Variants in CFAP54 observed in about 807,000 individuals in gnomAD.
CFAP54 encodes cilia and flagella associated protein 54.
In CFAP54, 290 loss-of-function variants were observed where a neutral mutation model predicts 370.4. That is an observed-to-expected ratio of 0.78 (90% CI 0.71 to 0.86). The LOEUF (loss-of-function observed/expected upper bound fraction) is 0.86, where lower values mean the gene tolerates loss of function less well. CFAP54 is among the 40% of genes least tolerant of loss of function. The probability of loss-of-function intolerance (pLI) is 0.00; values close to 1 mark genes in which losing one functional copy is unlikely to be tolerated. For missense variants in CFAP54, 3,399 were observed against 3,528.7 expected, an observed-to-expected ratio of 0.96 and a Z score of 0.93; for synonymous variants, 1,206 against 1,236.5, an observed-to-expected ratio of 0.98 and a Z score of 0.52.
At chr12:96,820,755 A>G (rs1210481927) in intron 65 of CFAP54, among the ~76,000 whole-genome samples, 3 of 152,198 alleles carry the variant, frequency 2.0e-5, no homozygotes, top group Non-Finnish European at 4.4e-5. Flanking sequence ...TTTATTTTAT[A>G]AAGTGCATGA....
At chr12:96,659,808 C>T (rs1422764917) in intron 38 of CFAP54, among the ~76,000 whole-genome samples, 1 of 152,224 alleles carries the variant, frequency 6.6e-6, no homozygotes, top group African/African-American at 2.4e-5. Flanking sequence ...CCAGCCCCTC[C>T]TTGCCACACC....
At chr12:96,679,489 T>G in intron 39 of CFAP54, 111 bp from the exon 40 acceptor site, 1 of 1,152,284 alleles carries the variant, frequency 8.7e-7, no homozygotes, top group Non-Finnish European at 1.2e-6. Flanking sequence ...GCTTTGAATT[T>G]AGCGGCTTTA....
chr12:96,798,815 C>T (rs2136709732), intron 63 of CFAP54, among the ~76,000 whole-genome samples: 1 of 152,180 alleles, frequency 6.6e-6, no homozygotes, highest in Admixed American at 6.5e-5. Context: ...ATGAAGTATA[C>T]TTGGTAATCA....
intron 39 of CFAP54, among the ~76,000 whole-genome samples, chr12:96,674,342 T>TTC (rs1957179887): frequency 7.2e-6 from 1 of 139,758 alleles, no homozygotes; most frequent in Non-Finnish European, 1.5e-5. Context: ...TTTTCTTTTT[T>TTC]TTTTTTTTTT....
intron 65 of CFAP54, among the ~76,000 whole-genome samples, chr12:96,819,775 A>AT (rs1166112134): frequency 6.6e-6 from 1 of 152,096 alleles, no homozygotes. Context: ...TCATCCATAG[A>AT]TTTTTTACTG....
intron 63 of CFAP54, among the ~76,000 whole-genome samples, chr12:96,809,535 T>C (rs971610109): frequency 6.6e-6 from 1 of 152,194 alleles, no homozygotes; most frequent in African/African-American, 2.4e-5. Flanking sequence ...TACAATGTTG[T>C]CTTTCTTCTA....
chr12:96,731,999 A>G (rs1339672143), intron 50 of CFAP54, among the ~76,000 whole-genome samples: 1 of 152,178 alleles, frequency 6.6e-6, no homozygotes, highest in Non-Finnish European at 1.5e-5. Context: ...CCCATTTCCA[A>G]TGACTGTGTG....
At chr12:96,812,633 A>T (rs768461274) in intron 64 of CFAP54, among the ~76,000 whole-genome samples, 1 of 152,206 alleles carries the variant, frequency 6.6e-6, no homozygotes, top group Admixed American at 6.5e-5. Context: ...AAGCTTAACC[A>T]CTAACGCCTG....
At chr12:96,655,037 A>AC (rs1270145844) in intron 36 of CFAP54, among the ~76,000 whole-genome samples, 1 of 151,836 alleles carries the variant, frequency 6.6e-6, no homozygotes, top group East Asian at 1.9e-4. Flanking sequence ...TGGCCAAAAA[A>AC]ATTTTTTTTT....
At chr12:96,536,036 G>T (rs1955498836) in intron 12 of CFAP54, among the ~76,000 whole-genome samples, 1 of 152,054 alleles carries the variant, frequency 6.6e-6, no homozygotes, top group African/African-American at 2.4e-5. Context: ...CAAATTTCAG[G>T]GATCCTCAGA....
At chr12:96,792,167 G>T (rs180833404) in intron 62 of CFAP54, among the ~76,000 whole-genome samples, 162 bp from the exon 63 acceptor site, 7 of 152,038 alleles carry the variant, frequency 4.6e-5, no homozygotes, top group African/African-American at 1.7e-4. Context: ...TTTTACTGTA[G>T]GAGAATCTTC....
chr12:96,682,049 C>G (rs539942845), intron 40 of CFAP54: 1 of 588,392 alleles, frequency 1.7e-6, no homozygotes, highest in Non-Finnish European at 2.1e-6. Context: ...TATTTCCTTT[C>G]TTTTTGCTTT....
chr12:96,577,139 G>A (rs1440837092), intron 20 of CFAP54, among the ~76,000 whole-genome samples: 1 of 152,192 alleles, frequency 6.6e-6, no homozygotes, highest in Non-Finnish European at 1.5e-5. Context: ...TTACTTCAGA[G>A]CCAGTGATGG....
At chr12:96,760,635 C>G (rs1362662848) in intron 58 of CFAP54, among the ~76,000 whole-genome samples, 1 of 152,176 alleles carries the variant, frequency 6.6e-6, no homozygotes, top group Non-Finnish European at 1.5e-5. Context: ...TGGGTTCAAG[C>G]AATTCTCCTG....
At chr12:96,675,690 A>G (rs548327105) in intron 39 of CFAP54, among the ~76,000 whole-genome samples, 7 of 152,344 alleles carry the variant, frequency 4.6e-5, no homozygotes, top group African/African-American at 1.4e-4. Context: ...AACCAAGCCA[A>G]ATATCCAACA....
rs1957574052 is a variant in CFAP54 at position 96,708,760 on chromosome 12, A to G, written c.6681A>G (p.Thr2227=). The G allele has an allele frequency of 3.1e-6, 5 of 1,609,682 alleles. No homozygotes were observed. The highest frequency in any genetic ancestry group is 4.2e-6 in the Non-Finnish European group (5 of 1,178,296). The change falls in exon 48 of 68, where the codon ACA becomes ACG. Residue 2227 remains threonine, a synonymous_variant. Transcript: ENST00000524981. ...GTGTCCCAGAAAATAAATTTAAGAC[A>G]GTAATTACCAACAAGAGCAAACCAA... The part of the protein sequence containing the change: ...INCVPENKFK[T]VITNKSKPNL...
intron 64 of CFAP54, 73 bp from the exon 65 acceptor site, chr12:96,817,702 G>A (rs1328675580): frequency 6.9e-6 from 7 of 1,021,270 alleles, no homozygotes; most frequent in African/African-American, 1.7e-5. Context: ...TTACAGGCGT[G>A]AGCCACCACG....
chr12:96,864,984 A>G (rs148310472), intron 67 of CFAP54, among the ~76,000 whole-genome samples: 2 of 152,320 alleles, frequency 1.3e-5, no homozygotes, highest in Admixed American at 6.5e-5. Context: ...CTATGTGTGC[A>G]TAGGCTTGAA....
chr12:96,869,857 C>G (rs1254532518), intron 67 of CFAP54, among the ~76,000 whole-genome samples: 3 of 148,624 alleles, frequency 2.0e-5, no homozygotes. Context: ...ATCGCTTGAA[C>G]CTGGGAGGCA....
Sources: allele counts gnomAD v4.1 joint callset (sites outside exome capture counted in the v4.1 genomes callset), GRCh38; gene constraint gnomAD v4.1.1; transcripts MANE v1.5; gene names NCBI Gene and HGNC (gene_info 2026-07-23, HGNC 2026-07-21).